NIPAL2: variants seen among roughly 807,000 people sequenced by gnomAD.
NIPAL2 encodes NIPA like domain containing 2, also known as NIPA-like protein 2.
Under a neutral mutation model 48.9 loss-of-function variants are expected in NIPAL2, and 43 were observed. That is an observed-to-expected ratio of 0.88 (90% CI 0.69 to 1.13). NIPAL2 has a LOEUF of 1.13. Among genes scored for constraint, NIPAL2 ranks in the 50% most tolerant of loss-of-function variants. The pLI, the probability that NIPAL2 is intolerant of heterozygous loss-of-function variation, is 0.00. For synonymous variants in NIPAL2, 167 were observed against 174.6 expected (o/e 0.96, Z 0.34); for missense variants, 446 against 461.4 (o/e 0.97, Z 0.31).
chr8:98,211,733 AGTGTGTGTGTGTGTGTGT>A (rs1156409051), intron 6 of NIPAL2, among the ~76,000 whole-genome samples: 1 of 109,100 alleles, frequency 9.2e-6, no homozygotes. Context: ...AGAGAGAGAA[AGTGTGTGTGTGTGTGTGT>A]GTGTGTGTGT....
rs956001572 is a variant in NIPAL2 at position 98,254,142 on chromosome 8, A to G, written c.136-55T>C. 4.2e-6 allele frequency: 6 copies of G among 1,425,570 alleles called. No individual in the cohort carries two copies. In the Admixed American group the frequency reaches 7.4e-5, roughly 18 times the overall value. The allele number at this position is 1,425,570 out of a possible 1,614,324, so 88.3% of individuals were successfully genotyped here. A position where few individuals can be genotyped will look rare whatever the true frequency, so the allele number is the denominator to read the frequency against. On this transcript the variant is annotated intron_variant, in intron 1 of 10. Transcript: ENST00000430223. ...TACTTGTAAGATATTTACTGGAAGA[A>G]AAAAGACAAATTTAGGTGTTCATTC...
intron 1 of NIPAL2, among the ~76,000 whole-genome samples, chr8:98,287,382 C>T (rs1052740019): frequency 6.6e-6 from 1 of 152,122 alleles, no homozygotes; most frequent in African/African-American, 2.4e-5. Flanking sequence ...AAATGACTCT[C>T]ATTAGGAAGT....
intron 3 of NIPAL2, among the ~76,000 whole-genome samples, chr8:98,245,767 A>G (rs1563519370): frequency 6.6e-6 from 1 of 152,248 alleles, no homozygotes; most frequent in Non-Finnish European, 1.5e-5. Flanking sequence ...AGATGTTTCA[A>G]ATAAAGTGTT....
chr8:98,226,601 T>C (rs1812185382), intron 4 of NIPAL2, among the ~76,000 whole-genome samples: 1 of 152,138 alleles, frequency 6.6e-6, no homozygotes, highest in African/African-American at 2.4e-5. Flanking sequence ...TCTCTCTCCC[T>C]CTCTTTCTCT....
chr8:98,236,245 C>A (rs2130790484), intron 3 of NIPAL2, 31 bp from the exon 4 acceptor site: 1 of 1,501,282 alleles, frequency 6.7e-7, no homozygotes, highest in African/African-American at 1.4e-5. Flanking sequence ...AGTGGTAGTT[C>A]CAATATAAAA....
chr8:98,283,140 T>C (rs1815952338), intron 1 of NIPAL2, among the ~76,000 whole-genome samples: 1 of 152,204 alleles, frequency 6.6e-6, no homozygotes, highest in African/African-American at 2.4e-5. Flanking sequence ...TTAAGAACGA[T>C]TACATTTGTC....
intron 10 of NIPAL2, chr8:98,193,427 C>T (rs747144703): frequency 3.6e-5 from 58 of 1,613,668 alleles, no homozygotes; most frequent in Admixed American, 1.3e-4. Context: ...TTTTCCACGT[C>T]GAATGCATAT....
intron 1 of NIPAL2, among the ~76,000 whole-genome samples, chr8:98,266,400 G>C (rs1814742877): frequency 6.6e-6 from 1 of 151,910 alleles, no homozygotes; most frequent in South Asian, 2.1e-4. Flanking sequence ...TCAGGAGTTT[G>C]AGGCTAGCCT....
At chr8:98,246,772 G>T (rs1813328520) in intron 3 of NIPAL2, among the ~76,000 whole-genome samples, 1 of 152,134 alleles carries the variant, frequency 6.6e-6, no homozygotes, top group Non-Finnish European at 1.5e-5. Flanking sequence ...GCATAGAACT[G>T]AAAAATGTCA....
At chr8:98,198,477 C>A (rs1172296858) in intron 8 of NIPAL2, among the ~76,000 whole-genome samples, 1 of 152,212 alleles carries the variant, frequency 6.6e-6, no homozygotes, top group Non-Finnish European at 1.5e-5. Flanking sequence ...GCTTTGAAAT[C>A]AGACATTTAC....
chr8:98,203,801 G>T (rs1288351698), intron 7 of NIPAL2, among the ~76,000 whole-genome samples: 3 of 151,650 alleles, frequency 2.0e-5, no homozygotes, highest in Non-Finnish European at 4.4e-5. Context: ...CTAATGCTTA[G>T]GTCCTACTCT....
chr8:98,278,438 T>C (rs1164894693), intron 1 of NIPAL2, among the ~76,000 whole-genome samples: 1 of 152,144 alleles, frequency 6.6e-6, no homozygotes, highest in Non-Finnish European at 1.5e-5. Context: ...ATTAGGTCTT[T>C]TCATTCTAAC....
intron 1 of NIPAL2, among the ~76,000 whole-genome samples, chr8:98,257,874 T>G (rs2130842187): frequency 6.6e-6 from 1 of 151,676 alleles, no homozygotes; most frequent in East Asian, 1.9e-4. Flanking sequence ...AGCCCCCACT[T>G]CCAGTTGTTC....
chr8:98,207,534 A>G (rs1811095741), intron 6 of NIPAL2, among the ~76,000 whole-genome samples: 1 of 152,234 alleles, frequency 6.6e-6, no homozygotes, highest in South Asian at 2.1e-4. Flanking sequence ...AATAAACTAC[A>G]TCAAGATATT....
intron 1 of NIPAL2, among the ~76,000 whole-genome samples, chr8:98,283,489 CAAAG>C (rs1240997319): frequency 1.3e-5 from 2 of 152,150 alleles, no homozygotes; most frequent in East Asian, 1.9e-4. Context: ...ATGCTGAACA[CAAAG>C]AATGCCACTG....
chr8:98,205,277 G>T (rs748704722), intron 6 of NIPAL2, 31 bp from the exon 7 acceptor site: 153 of 1,580,526 alleles, frequency 9.7e-5, no homozygotes, highest in Middle Eastern at 1.9e-4. Context: ...CACAAATAAA[G>T]AACATATTTC....
At chr8:98,272,253 C>A (rs1815181415) in intron 1 of NIPAL2, among the ~76,000 whole-genome samples, 1 of 152,144 alleles carries the variant, frequency 6.6e-6, no homozygotes, top group African/African-American at 2.4e-5. Context: ...TTGATGTTAA[C>A]TCTTTTCTTA....
chr8:98,261,291 G>A (rs374625537), intron 1 of NIPAL2, among the ~76,000 whole-genome samples: 28 of 141,258 alleles, frequency 2.0e-4, no homozygotes, highest in African/African-American at 6.0e-4. Context: ...TGACTTTGAC[G>A]AGCTGAGAGA....
At chr8:98,276,266 C>T (rs1377308798) in intron 1 of NIPAL2, among the ~76,000 whole-genome samples, 1 of 152,194 alleles carries the variant, frequency 6.6e-6, no homozygotes, top group Non-Finnish European at 1.5e-5. Context: ...CTACCCACAA[C>T]CCCTAGCAAC....
Sources: allele counts gnomAD v4.1 joint callset (sites outside exome capture counted in the v4.1 genomes callset), GRCh38; gene constraint gnomAD v4.1.1; transcripts MANE v1.5; gene names NCBI Gene and HGNC (gene_info 2026-07-23, HGNC 2026-07-21).